Variants in C12orf60 observed in about 807,000 individuals in gnomAD.
C12orf60 encodes the protein uncharacterized protein C12orf60.
For synonymous variants in C12orf60, 102 were observed against 94.6 expected (o/e 1.08, Z -0.45); for missense variants, 284 against 283.2 (o/e 1.00, Z -0.02).
intron 1 of C12orf60, among the ~76,000 whole-genome samples, chr12:14,812,086 G>T (rs892903920): frequency 3.9e-5 from 6 of 152,096 alleles, no homozygotes; most frequent in African/African-American, 1.4e-4. Flanking sequence ...TCTTCACAAA[G>T]TTATCATAAT....
intron 1 of C12orf60, among the ~76,000 whole-genome samples, chr12:14,807,817 T>C (rs546977850): frequency 6.6e-6 from 1 of 152,298 alleles, no homozygotes; most frequent in South Asian, 2.1e-4. Flanking sequence ...ACTTGGGCAT[T>C]ATTTAGATAA....
In C12orf60 at chr12:14,823,809, C is replaced by T. The variant is rs577622187; in HGVS notation, c.*136C>T. The T allele has an allele frequency of 1.5e-6, 1 of 660,038 alleles. No individual in the cohort carries two copies. The highest frequency in any genetic ancestry group is 3.2e-5 in the East Asian group (1 of 31,328). The allele number at this position is 660,038 out of a possible 1,614,324, so 40.9% of individuals were successfully genotyped here. A position where few individuals can be genotyped will look rare whatever the true frequency, so the allele number is the denominator to read the frequency against. On this transcript the variant is annotated 3_prime_UTR_variant, in exon 2 of 2. Coordinates refer to ENST00000330828, the MANE Select transcript of C12orf60 (RefSeq NM_175874.4). ...AGTACACAAAAGTCATCTGGCAAAA[C>T]ATTTACCTGTAGTTTTGCTTTATTA...
Position 14,823,406 on chromosome 12 carries a change from T to C in C12orf60, c.471T>C (p.Tyr157=), listed in dbSNP as rs1300913087. The change falls in exon 2 of 2, where the codon TAT becomes TAC. Residue 157 remains tyrosine (Y), a synonymous_variant. Transcript: ENST00000330828. ...TGAATCTTCAATTAAGTGACTTCTA[T>C]ACAGAAGACACCAAAGAGCAATCAG... ...PIMNLQLSDF[Y]TEDTKEQSDV... is the part of the protein sequence containing the mutation. 1.9e-6 allele frequency: 3 copies of C among 1,613,924 alleles called. No individual in the cohort carries two copies. In the South Asian group the frequency reaches 3.3e-5, roughly 18 times the overall value.
chr12:14,818,011 A>G (rs2137279709), intron 1 of C12orf60, among the ~76,000 whole-genome samples: 1 of 152,232 alleles, frequency 6.6e-6, no homozygotes, highest in South Asian at 2.1e-4. Context: ...TGACTTTTTA[A>G]TAATCTCCAT....
intron 1 of C12orf60, among the ~76,000 whole-genome samples, chr12:14,808,319 C>T (rs933376190): frequency 3.3e-5 from 5 of 151,802 alleles, no homozygotes; most frequent in East Asian, 3.9e-4. Flanking sequence ...AGTAAGAGCA[C>T]GATGCTACTC....
intron 1 of C12orf60, chr12:14,806,499 G>A (rs267603396): frequency 1.2e-6 from 2 of 1,614,010 alleles, no homozygotes; most frequent in Non-Finnish European, 1.7e-6. Flanking sequence ...TTCTTTGATG[G>A]TCCCATCTCT....
intron 1 of C12orf60, chr12:14,806,576 G>A: frequency 1.2e-6 from 2 of 1,614,142 alleles, no homozygotes; most frequent in Non-Finnish European, 1.7e-6. Context: ...GCTTATTGGT[G>A]ACATCGAAGC....
intron 1 of C12orf60, chr12:14,806,330 A>G: frequency 6.2e-7 from 1 of 1,614,222 alleles, no homozygotes; most frequent in Non-Finnish European, 8.5e-7. Flanking sequence ...GGATGACCGA[A>G]ATAACCTTTT....
Position 14,806,582 on chromosome 12 carries a change from G to A in C12orf60, c.-25+2831G>A, listed in dbSNP as rs776014062. On this transcript the variant is annotated intron_variant, in intron 1 of 1. Coordinates refer to ENST00000330828, the MANE Select transcript of C12orf60 (RefSeq NM_175874.4). ...CCTCAGTCAGCTTATTGGTGACATC[G>A]AAGCTGTCAGATAAGCAATCAAGAA... is the stretch of plus-strand genomic sequence containing the variant. 19 of 1,613,990 alleles carry A rather than the reference G, an allele frequency of 1.2e-5. No homozygotes were observed. The South Asian group carries it at 1.4e-4, about 12-fold the overall frequency.
chr12:14,813,182 A>G (rs1203198599), intron 1 of C12orf60, among the ~76,000 whole-genome samples: 2 of 152,228 alleles, frequency 1.3e-5, no homozygotes, highest in Non-Finnish European at 2.9e-5. Flanking sequence ...CAAATAAAAA[A>G]GAAAGAAAAA....
rs1309506347 is a variant in C12orf60, at chr12:14,822,286, T to TG, written c.-24-623dup. 2.7e-5 allele frequency among the ~76,000 whole-genome samples: 4 copies of TG among 150,480 alleles called. No individual in the cohort carries two copies. The East Asian group carries it at 7.8e-4, about 29-fold the overall frequency. On this transcript the variant is annotated intron_variant, in intron 1 of 1. Coordinates refer to ENST00000330828, the MANE Select transcript of C12orf60 (RefSeq NM_175874.4). The stretch of plus-strand genomic sequence containing the variant: ...TTCCAGGCTGCCCTAGAGCCCAAGA[T>TG]GGGATATATAGGAAGCAGGAGAAGA...
At chr12:14,804,397 A>G (rs1950015890) in intron 1 of C12orf60, among the ~76,000 whole-genome samples, 2 of 152,214 alleles carry the variant, frequency 1.3e-5, no homozygotes, top group Non-Finnish European at 2.9e-5. Context: ...TGACTATCCC[A>G]TGTAGGAAGG....
intron 1 of C12orf60, among the ~76,000 whole-genome samples, chr12:14,804,395 C>G (rs933134889): frequency 6.6e-6 from 1 of 152,178 alleles, no homozygotes; most frequent in East Asian, 1.9e-4. Context: ...CCTGACTATC[C>G]CATGTAGGAA....
At chr12:14,809,327 A>G (rs1375549534) in intron 1 of C12orf60, among the ~76,000 whole-genome samples, 1 of 152,214 alleles carries the variant, frequency 6.6e-6, no homozygotes, top group Non-Finnish European at 1.5e-5. Context: ...AATTAATCGT[A>G]AAATGTATCT....
chr12:14,807,870 A>G (rs1274988020), intron 1 of C12orf60, among the ~76,000 whole-genome samples: 4 of 152,360 alleles, frequency 2.6e-5, no homozygotes, highest in Admixed American at 6.5e-5. Context: ...TTACAAAAGT[A>G]TTAAAGAATA....
At position 14,808,394 on chromosome 12, in the gene C12orf60, G is replaced by C. The variant is rs184385878; in HGVS notation, c.-25+4643G>C. On this transcript the variant is annotated intron_variant, in intron 1 of 1. Transcript: ENST00000330828. ...CTTTTTTTTTTTAAATTACACTCTT[G>C]AGAGAAAAGAGAGAAAAAATGGAGT... Among the ~76,000 whole-genome samples, 35 of 151,850 alleles carry C rather than the reference G, an allele frequency of 2.3e-4. 1 individual carries two copies. Among genetic ancestry groups the C allele is most frequent in the Admixed American group, 6.5e-4 (10 of 15,268 alleles).
chr12:14,812,046 T>C (rs947748300), intron 1 of C12orf60, among the ~76,000 whole-genome samples: 2 of 152,368 alleles, frequency 1.3e-5, no homozygotes, highest in Non-Finnish European at 1.5e-5. Flanking sequence ...TTTGTTATTC[T>C]TTTTCAAAAT....
intron 1 of C12orf60, among the ~76,000 whole-genome samples, chr12:14,813,904 T>A (rs1950178925): frequency 6.6e-6 from 1 of 152,198 alleles, no homozygotes; most frequent in African/African-American, 2.4e-5. Flanking sequence ...TCCTAGAAAT[T>A]GTTAATTTTC....
intron 1 of C12orf60, among the ~76,000 whole-genome samples, chr12:14,821,905 A>G (rs1460057082): frequency 2.0e-5 from 3 of 151,300 alleles, no homozygotes; most frequent in African/African-American, 7.3e-5. Context: ...GGGAAGAGTG[A>G]AAAGGGGTCC....
Sources: gnomAD v4.1 joint callset for allele counts (sites outside exome capture counted in the v4.1 genomes callset) on GRCh38, gnomAD v4.1.1 for gene constraint, MANE v1.5 for transcripts, NCBI Gene and HGNC (gene_info 2026-07-23, HGNC 2026-07-21) for gene names.